ATAD1: variants seen among roughly 807,000 people sequenced by gnomAD.
ATAD1 encodes ATPase family AAA domain containing 1.
A neutral mutation model predicts 42.7 loss-of-function variants in ATAD1; 18 were observed. The ratio of observed to expected loss-of-function variants is 0.42; its 90% CI spans 0.29 to 0.63. The LOEUF is 0.63. ATAD1 is among the 20% of genes least tolerant of loss of function. The probability of loss-of-function intolerance (pLI) is 0.19; values close to 1 mark genes in which losing one functional copy is unlikely to be tolerated. For missense variants in ATAD1, 294 were observed against 440.4 expected, an observed-to-expected ratio of 0.67 and a Z score of 2.98; for synonymous variants, 132 against 143.1, an observed-to-expected ratio of 0.92 and a Z score of 0.55.
intron 2 of ATAD1, among the ~76,000 whole-genome samples, chr10:87,800,889 A>C (rs978241440): frequency 2.0e-5 from 3 of 152,202 alleles, no homozygotes; most frequent in Non-Finnish European, 4.4e-5. Context: ...GGCATGTGAA[A>C]TTGGAAGGCC....
chr10:87,805,467 T>C (rs904601139), intron 2 of ATAD1, among the ~76,000 whole-genome samples: 2 of 152,120 alleles, frequency 1.3e-5, no homozygotes, highest in Non-Finnish European at 2.9e-5. Context: ...AACAAAACAA[T>C]TGAGTTCCCA....
chr10:87,782,593 G>A (rs7068856), intron 5 of ATAD1, among the ~76,000 whole-genome samples: 10,056 of 152,216 alleles, frequency 0.066, 799 homozygotes, highest in East Asian at 0.33. Flanking sequence ...TGACTTTTAA[G>A]TTGATATTCT....
intron 5 of ATAD1, among the ~76,000 whole-genome samples, chr10:87,781,423 T>C (rs911715736): frequency 2.6e-5 from 4 of 152,156 alleles, no homozygotes; most frequent in African/African-American, 4.8e-5. Flanking sequence ...AAGGAAAGAA[T>C]TGCCTTTATA....
intron 5 of ATAD1, among the ~76,000 whole-genome samples, chr10:87,777,541 G>A (rs1292779041): frequency 1.3e-5 from 2 of 150,796 alleles, no homozygotes; most frequent in African/African-American, 4.9e-5. Context: ...TTAAAAAAAG[G>A]GGAAAACAAT....
intron 3 of ATAD1, 26 bp from the exon 4 acceptor site, chr10:87,790,456 A>G (rs774343188): frequency 6.3e-7 from 1 of 1,583,748 alleles, no homozygotes; most frequent in South Asian, 1.2e-5. Context: ...GTCAACATGA[A>G]TTTTACTACA....
chr10:87,793,075 A>T (rs912103290), intron 2 of ATAD1, among the ~76,000 whole-genome samples: 1 of 152,230 alleles, frequency 6.6e-6, no homozygotes, highest in East Asian at 1.9e-4. Context: ...TTAGTTTCTC[A>T]TTCCTAACAG....
rs542261883 is a variant in ATAD1 at position 87,812,180 on chromosome 10, G to T, written c.162+2258C>A. 3.3e-5 allele frequency among the ~76,000 whole-genome samples: 5 copies of T among 152,108 alleles called. No individual in the cohort carries two copies. The South Asian group carries it at 1.0e-3, about 32-fold the overall frequency. On this transcript the variant is annotated intron_variant, in intron 2 of 9. Transcript: ENST00000680024. Reference sequence around the variant, plus strand: ...CTATTCCTTCTGCATACTACTATAAGGTGAATTATCCTTAAAACATTGTAT... The same window carrying T: ...CTATTCCTTCTGCATACTACTATAATGTGAATTATCCTTAAAACATTGTAT...
chr10:87,822,132 G>A (rs7922675), upstream of ATAD1, among the ~76,000 whole-genome samples: 2,048 of 152,272 alleles, frequency 0.013, 40 homozygotes, highest in Middle Eastern at 0.078. Flanking sequence ...CTCATTAGAA[G>A]TAATTCACTT....
chr10:87,780,751 T>C (rs1184667526), intron 5 of ATAD1, among the ~76,000 whole-genome samples: 2 of 152,214 alleles, frequency 1.3e-5, no homozygotes, highest in African/African-American at 4.8e-5. Flanking sequence ...CAGGTATGCA[T>C]ATAGACATAT....
At chr10:87,814,760 G>C in intron 1 of ATAD1, 148 bp from the exon 2 acceptor site, 1 of 536,648 alleles carries the variant, frequency 1.9e-6, no homozygotes, top group Non-Finnish European at 2.8e-6. Flanking sequence ...TTCATTTTAA[G>C]GAGAAATGGA....
At chr10:87,825,307 C>A (rs1156605128) in intron 1 of ATAD1, among the ~76,000 whole-genome samples, 3 of 148,658 alleles carry the variant, frequency 2.0e-5, no homozygotes, top group Non-Finnish European at 4.4e-5. Context: ...CAAATCTTAA[C>A]CTTTTTTTTT....
chr10:87,798,325 C>A (rs1856498155), intron 2 of ATAD1, among the ~76,000 whole-genome samples: 1 of 152,178 alleles, frequency 6.6e-6, no homozygotes, highest in African/African-American at 2.4e-5. Flanking sequence ...GATCCCCTTT[C>A]AAGCACTCCG....
intron 5 of ATAD1, among the ~76,000 whole-genome samples, chr10:87,781,601 C>T (rs193082007): frequency 1.9e-4 from 29 of 152,134 alleles, no homozygotes; most frequent in Admixed American, 3.9e-4. Flanking sequence ...CTGTACAGAA[C>T]TAAATGACAA....
At chr10:87,761,731 A>G (rs994498670) in intron 8 of ATAD1, among the ~76,000 whole-genome samples, 3 of 152,092 alleles carry the variant, frequency 2.0e-5, no homozygotes. Flanking sequence ...AAAGCAGAAT[A>G]CTGAATACTA....
Position 87,774,382 on chromosome 10 carries a change from A to C in ATAD1, c.690+1939T>G, listed in dbSNP as rs1256070725. On this transcript the variant is annotated intron_variant, in intron 6 of 9. Coordinates refer to ENST00000680024, the MANE Select transcript of ATAD1 (RefSeq NM_001321967.2). Reference sequence around the variant, plus strand: ...TATACAGATACAGAGTGATTATAAAATTTGGCCAAGGCTACACAGCTTGTT... The same window carrying C: ...TATACAGATACAGAGTGATTATAAACTTTGGCCAAGGCTACACAGCTTGTT... 2.0e-5 allele frequency among the ~76,000 whole-genome samples: 3 copies of C among 152,170 alleles called. No homozygotes were observed. In the East Asian group the frequency reaches 5.8e-4, roughly 29 times the overall value.
rs1228632783 is a variant in ATAD1, at chr10:87,752,225, CT to C, written c.*2461del. 15 of 152,098 alleles carry C rather than the reference CT, an allele frequency of 9.9e-5. No individual in the cohort carries two copies. The highest frequency in any genetic ancestry group is 3.6e-4 in the African/African-American group (15 of 41,426). The allele number at this position is 152,098 out of a possible 1,614,324, so 9.4% of individuals were successfully genotyped here. A position where few individuals can be genotyped will look rare whatever the true frequency, so the allele number is the denominator to read the frequency against. On this transcript the variant is annotated 3_prime_UTR_variant, in exon 10 of 10. Coordinates refer to ENST00000680024, the MANE Select transcript of ATAD1 (RefSeq NM_001321967.2). Reference sequence around the variant, plus strand: ...TGAGAATAGCTTGAGACACATCAGACTTATCAAAAGTCTTCCAGCAATGATG... The same window carrying C: ...TGAGAATAGCTTGAGACACATCAGACTATCAAAAGTCTTCCAGCAATGATG...
At chr10:87,797,390 A>T (rs1429703168) in intron 2 of ATAD1, among the ~76,000 whole-genome samples, 4 of 152,216 alleles carry the variant, frequency 2.6e-5, no homozygotes, top group Non-Finnish European at 4.4e-5. Context: ...TTAAAAAAAC[A>T]AATGTTCTTT....
chr10:87,769,392 C>T (rs1228261907), intron 7 of ATAD1, among the ~76,000 whole-genome samples: 1 of 152,138 alleles, frequency 6.6e-6, no homozygotes, highest in African/African-American at 2.4e-5. Flanking sequence ...AAAGCCCTTC[C>T]TTGTCTCATT....
At chr10:87,769,480 G>C (rs1854925682) in intron 7 of ATAD1, among the ~76,000 whole-genome samples, 1 of 152,144 alleles carries the variant, frequency 6.6e-6, no homozygotes, top group Non-Finnish European at 1.5e-5. Context: ...CAGAATATTA[G>C]TTTTCATCAA....
Sources: gnomAD v4.1 joint callset for allele counts (sites outside exome capture counted in the v4.1 genomes callset) on GRCh38, gnomAD v4.1.1 for gene constraint, MANE v1.5 for transcripts, NCBI Gene and HGNC (gene_info 2026-07-23, HGNC 2026-07-21) for gene names.